ZIC4: variants seen among roughly 807,000 people sequenced by gnomAD.
ZIC4 encodes the protein zinc finger protein ZIC 4.
Under a neutral mutation model 28.8 loss-of-function variants are expected in ZIC4, and 15 were observed. The observed-to-expected ratio is 0.52, with a 90% CI of 0.35 to 0.80. The LOEUF is 0.80. Ranked by LOEUF, ZIC4 falls within the 30% of genes least tolerant of loss-of-function variation. The probability of loss-of-function intolerance (pLI) is 0.01; values close to 1 mark genes in which losing one functional copy is unlikely to be tolerated. For synonymous variants in ZIC4, 220 were observed against 198.1 expected (o/e 1.11, Z -0.93); for missense variants, 512 against 467.1 (o/e 1.10, Z -0.89).
In ZIC4 at chr3:147,396,149, T is replaced by C. The variant is rs1280778412; in HGVS notation, c.391A>G (p.Lys131Glu). Residue 131 changes from lysine to glutamate, a missense_variant, in exon 3 of 5, where the codon AAG becomes GAG. Around this residue, in one of 3 missense-constraint regions of ZIC4, gnomAD observed 310 missense variants for 256.5 expected, o/e 1.21. Coordinates refer to ENST00000383075, the MANE Select transcript of ZIC4 (RefSeq NM_032153.6). The surrounding 1 kb of genome is among the most constrained non-coding windows in gnomAD (Gnocchi z 4.2). Reference sequence around the variant, plus strand: ...GCGGTGCCGTCGGCCGCCAGCCACTTGCAGATGAGCTCCTGTTTGATGGGC... The same window carrying C: ...GCGGTGCCGTCGGCCGCCAGCCACTCGCAGATGAGCTCCTGTTTGATGGGC... The part of the protein sequence containing the change: ...RQPIKQELIC[K>E]WLAADGTATP... 6.2e-7 allele frequency: 1 copy of C among 1,614,126 alleles called. No individual in the cohort carries two copies. The highest frequency in any genetic ancestry group is 8.5e-7 in the Non-Finnish European group (1 of 1,180,020).
intron 1 of ZIC4, chr3:147,405,439 C>A (rs2087254922): frequency 6.5e-7 from 1 of 1,537,140 alleles, no homozygotes; most frequent in Non-Finnish European, 8.7e-7. Flanking sequence ...AAAGCCCCTC[C>A]GCTTTCCTAA....
chr3:147,387,660 C>T lies in ZIC4; in HGVS notation c.*1199G>A, dbSNP rs993906001. ...GCCATCTTCCCCACATCCCCTTGGC[C>T]TTGGGCTCTTGAGTTTGCATCTAGG... On this transcript the variant is annotated 3_prime_UTR_variant, in exon 5 of 5. Coordinates refer to ENST00000383075, the MANE Select transcript of ZIC4 (RefSeq NM_032153.6). 1 of 152,600 alleles carries T rather than the reference C, an allele frequency of 6.6e-6. No individual in the cohort carries two copies. Among genetic ancestry groups the T allele is most frequent in the Non-Finnish European group, 1.5e-5 (1 of 68,054 alleles). The allele number at this position is 152,600 out of a possible 1,614,324, so 9.5% of individuals were successfully genotyped here. A position where few individuals can be genotyped will look rare whatever the true frequency, so the allele number is the denominator to read the frequency against.
chr3:147,405,446 C>G, intron 1 of ZIC4: 8 of 1,537,230 alleles, frequency 5.2e-6, no homozygotes, highest in Non-Finnish European at 7.0e-6. Context: ...CTCCGCTTTC[C>G]TAAGACTTTG....
rs371497908 is a variant in ZIC4, at chr3:147,402,459, A to G, written c.70+269T>C. On this transcript the variant is annotated intron_variant, in intron 2 of 4. Coordinates refer to ENST00000383075, the MANE Select transcript of ZIC4 (RefSeq NM_032153.6). ...CAGGGGTGGTTGTTTCAATGAGAGA[A>G]TCGTCAAATATTAATTCTGGAACGT... Among the ~76,000 whole-genome samples, 34 of 152,312 alleles carry G rather than the reference A, an allele frequency of 2.2e-4. No individual in the cohort carries two copies. The South Asian group carries it at 6.8e-3, about 31-fold the overall frequency.
chr3:147,403,881 A>G, intron 1 of ZIC4: 1 of 1,361,088 alleles, frequency 7.3e-7, no homozygotes, highest in Non-Finnish European at 9.8e-7. Context: ...TCCAACCAGA[A>G]TTCCAACTGG....
At chr3:147,397,905 C>T (rs919323864) in intron 2 of ZIC4, among the ~76,000 whole-genome samples, 2 of 152,180 alleles carry the variant, frequency 1.3e-5, no homozygotes, top group Non-Finnish European at 2.9e-5. Context: ...TCCCCTCCCC[C>T]TCTCTTTCCT....
intron 3 of ZIC4, among the ~76,000 whole-genome samples, chr3:147,395,544 G>C (rs186366857): frequency 1.3e-5 from 2 of 152,288 alleles, no homozygotes; most frequent in Admixed American, 1.3e-4. Context: ...GGGGAACAAT[G>C]CTGTTTTAAA....
At chr3:147,389,997 G>C (rs569785935) in intron 4 of ZIC4, among the ~76,000 whole-genome samples, 1 of 152,232 alleles carries the variant, frequency 6.6e-6, no homozygotes, top group East Asian at 1.9e-4. Context: ...AAAAAGGCCC[G>C]GGGAGGCCTC....
intron 2 of ZIC4, among the ~76,000 whole-genome samples, chr3:147,398,227 G>A (rs2087091798): frequency 6.6e-6 from 1 of 152,218 alleles, no homozygotes; most frequent in South Asian, 2.1e-4. Context: ...GCAGTCGTAC[G>A]GAGCCTCTGG....
In ZIC4 at chr3:147,403,991, A is replaced by G. The variant is rs1283344397; in HGVS notation, c.-15-1179T>C. 2.6e-6 allele frequency: 4 copies of G among 1,536,840 alleles called. No homozygotes were observed. The Admixed American group carries it at 7.8e-5, about 30-fold the overall frequency. ...TTTCCCAGAGGGTATTATTATTTTC[A>G]ATTCTTTCTAACCAAAAGGCATTCT... On this transcript the variant is annotated intron_variant, in intron 1 of 4. Coordinates refer to ENST00000383075, the MANE Select transcript of ZIC4 (RefSeq NM_032153.6).
rs1190661645 is a variant in ZIC4 at position 147,396,955 on chromosome 3, G to A, written c.71-486C>T. 6.5e-6 allele frequency: 1 copy of A among 153,064 alleles called. No individual in the cohort carries two copies. The allele number at this position is 153,064 out of a possible 1,614,324, so 9.5% of individuals were successfully genotyped here. A position where few individuals can be genotyped will look rare whatever the true frequency, so the allele number is the denominator to read the frequency against. On this transcript the variant is annotated intron_variant, in intron 2 of 4. Coordinates refer to ENST00000383075, the MANE Select transcript of ZIC4 (RefSeq NM_032153.6). This position sits in a 1 kb window ranked among gnomAD's most constrained non-coding sequence, Gnocchi z 4.2. ...TATTTTCAGTGCCCCGCTTGGCTAG[G>A]AGAGGGCGGCCGGCTGCTTGCCGAC... is the stretch of plus-strand genomic sequence containing the variant.
chr3:147,390,463 C>A (rs374522666), intron 4 of ZIC4, among the ~76,000 whole-genome samples: 2 of 152,054 alleles, frequency 1.3e-5, no homozygotes, highest in Non-Finnish European at 2.9e-5. Flanking sequence ...TCCCATTCTG[C>A]GAAGCATGCG....
chr3:147,392,261 G>A, intron 3 of ZIC4: 1 of 986,016 alleles, frequency 1.0e-6, no homozygotes, highest in Non-Finnish European at 1.2e-6. Context: ...GCTGCTGTCA[G>A]GCCAGGCCTG....
Position 147,391,253 on chromosome 3 carries a change from G to A in ZIC4, c.689-7C>T. On this transcript the variant is annotated splice_region_variant and splice_polypyrimidine_tract_variant and intron_variant, in intron 3 of 4. Coordinates refer to ENST00000383075, the MANE Select transcript of ZIC4 (RefSeq NM_032153.6). ...CATCTGAAGGGCTTCTCGCCTGGCG[G>A]AGGCAACGCAGAGACATTAGTGCTT... 1 of 1,572,582 alleles carries A rather than the reference G, an allele frequency of 6.4e-7. No individual in the cohort carries two copies. The highest frequency in any genetic ancestry group is 8.7e-7 in the Non-Finnish European group (1 of 1,153,272).
Position 147,391,053 on chromosome 3 carries a change from G to A in ZIC4, c.882C>T (p.Pro294=). ...GTGTAGCCGAATCGTAGCCAGAGCT[G>A]GGCGGCGGCGAGCGCCCGTGCACCT... ...HMKVHGRSPP[P]SSGYDSATPS... The change falls in exon 4 of 5, where the codon CCC becomes CCT. Residue 294 remains proline (P), a synonymous_variant. Coordinates refer to ENST00000383075, the MANE Select transcript of ZIC4 (RefSeq NM_032153.6). The A allele has an allele frequency of 1.9e-6, 3 of 1,613,910 alleles. No individual in the cohort carries two copies. Among genetic ancestry groups the A allele is most frequent in the Non-Finnish European group, 2.5e-6 (3 of 1,179,988 alleles).
chr3:147,403,817 G>T, intron 1 of ZIC4: 8 of 812,222 alleles, frequency 9.8e-6, no homozygotes, highest in Non-Finnish European at 1.5e-5. Flanking sequence ...TATCTTAAAC[G>T]GTATCCAGTT....
intron 3 of ZIC4, chr3:147,393,369 C>G (rs1276618803): frequency 2.6e-5 from 4 of 153,912 alleles, no homozygotes; most frequent in Non-Finnish European, 5.8e-5. Flanking sequence ...CTGCGCTTGA[C>G]ATCACCCCCG....
chr3:147,390,319 C>T (rs563731114), intron 4 of ZIC4, among the ~76,000 whole-genome samples: 4 of 150,218 alleles, frequency 2.7e-5, no homozygotes, highest in Admixed American at 1.3e-4. Flanking sequence ...AGGAAAGAAA[C>T]TGGAGTCAAG....
chr3:147,404,136 A>G, intron 1 of ZIC4: 1 of 1,532,024 alleles, frequency 6.5e-7, no homozygotes, highest in Non-Finnish European at 8.7e-7. Context: ...TCATGGCAGG[A>G]TGTCTGGCAT....
Sources: gnomAD v4.1 joint callset for allele counts (sites outside exome capture counted in the v4.1 genomes callset) on GRCh38, gnomAD v4.1.1 for gene constraint, gnomAD v4.1.1 regional missense constraint, Gnocchi (gnomAD v3.1) non-coding constraint, MANE v1.5 for transcripts, NCBI Gene and HGNC (gene_info 2026-07-23, HGNC 2026-07-21) for gene names.